Variants in GSE1 observed in about 807,000 individuals in gnomAD.
GSE1 encodes the protein genetic suppressor element 1.
A neutral mutation model predicts 112.6 loss-of-function variants in GSE1; 32 were observed. The observed-to-expected ratio is 0.28, with a 90% CI of 0.21 to 0.38. The LOEUF is 0.38. Among genes scored for constraint, GSE1 ranks in the 10% least tolerant of loss-of-function variants. The probability of loss-of-function intolerance (pLI) is 1.00; values close to 1 mark genes in which losing one functional copy is unlikely to be tolerated. For missense variants in GSE1, 2,348 were observed against 1,699.2 expected, an observed-to-expected ratio of 1.38 and a Z score of -6.71; for synonymous variants, 1,115 against 735.6, an observed-to-expected ratio of 1.52 and a Z score of -8.35.
At chr16:85,507,042 C>A (rs2051558542) in intron 2 of GSE1, among the ~76,000 whole-genome samples, 1 of 152,144 alleles carries the variant, frequency 6.6e-6, no homozygotes, top group African/African-American at 2.4e-5. Context: ...CCTGGGGTAA[C>A]CGTGTGGGGT....
chr16:85,242,273 C>T (rs941308435), intron 1 of GSE1, among the ~76,000 whole-genome samples: 1 of 152,186 alleles, frequency 6.6e-6, no homozygotes, highest in African/African-American at 2.4e-5. Context: ...AGCAGCCGCC[C>T]TCCTGCTTCC....
intron 2 of GSE1, among the ~76,000 whole-genome samples, chr16:85,508,038 A>AT (rs896257598): frequency 7.3e-5 from 11 of 151,630 alleles, no homozygotes; most frequent in South Asian, 2.1e-4. Context: ...TCCGTCACTT[A>AT]TTTTTTTGTC....
intron 1 of GSE1, among the ~76,000 whole-genome samples, chr16:85,246,384 C>CACAA: frequency 7.7e-6 from 1 of 129,226 alleles, no homozygotes; most frequent in Non-Finnish European, 1.6e-5. Context: ...GCTGTCTACA[C>CACAA]ACACACCCCA....
At chr16:85,411,693 T>C (rs865998532) in intron 2 of GSE1, among the ~76,000 whole-genome samples, 2 of 58,448 alleles carry the variant, frequency 3.4e-5, no homozygotes, top group African/African-American at 2.3e-4. Flanking sequence ...TAATCCTCAC[T>C]GTTACACTCA....
At chr16:85,638,029 G>A (rs947530487) in intron 2 of GSE1, among the ~76,000 whole-genome samples, 1 of 152,144 alleles carries the variant, frequency 6.6e-6, no homozygotes, top group Non-Finnish European at 1.5e-5. Flanking sequence ...TGCCCCACGC[G>A]GCCCCTCCTC....
At chr16:85,460,820 A>C (rs1028397291) in intron 2 of GSE1, among the ~76,000 whole-genome samples, 2 of 56,710 alleles carry the variant, frequency 3.5e-5, no homozygotes, top group African/African-American at 1.4e-4. Context: ...TGAGGAAGCC[A>C]GGGTGGGGGT....
chr16:85,218,567 C>T (rs569849390), intron 1 of GSE1, among the ~76,000 whole-genome samples: 2 of 152,336 alleles, frequency 1.3e-5, no homozygotes, highest in Admixed American at 1.3e-4. Flanking sequence ...TCAACTCTGC[C>T]ACTTGCTACC....
At chr16:85,497,299 G>A (rs765295241) in intron 2 of GSE1, among the ~76,000 whole-genome samples, 2 of 152,162 alleles carry the variant, frequency 1.3e-5, no homozygotes, top group Non-Finnish European at 2.9e-5. Context: ...TGCCTCCTGC[G>A]TTTTACATTG....
intron 1 of GSE1, among the ~76,000 whole-genome samples, chr16:85,259,141 T>A (rs6564110): frequency 0.28 from 43,039 of 151,974 alleles, 7,226 homozygotes; most frequent in African/African-American, 0.47. Context: ...GGCCACCGCG[T>A]CTGTGGAAGG....
intron 2 of GSE1, among the ~76,000 whole-genome samples, chr16:85,365,691 C>T (rs535138323): frequency 3.9e-5 from 6 of 152,256 alleles, no homozygotes; most frequent in African/African-American, 9.6e-5. Flanking sequence ...TTGTAGAAGG[C>T]GAAGGTTTAT....
intron 2 of GSE1, among the ~76,000 whole-genome samples, chr16:85,647,416 C>A (rs921164853): frequency 9.7e-4 from 147 of 152,234 alleles, no homozygotes; most frequent in African/African-American, 3.3e-3. Flanking sequence ...TGATGTGTAC[C>A]CTTAAAGATG....
At position 85,666,329 on chromosome 16, in the gene GSE1, G is replaced by A; in HGVS notation, c.3112G>A (p.Ala1038Thr). 6.2e-7 allele frequency: 1 copy of A among 1,613,768 alleles called. No individual in the cohort carries two copies. Among genetic ancestry groups the A allele is most frequent in the Non-Finnish European group, 8.5e-7 (1 of 1,180,024 alleles). ...HESVLQSTQK[A>T]LQKHKGSVAV... Reference sequence around the variant, plus strand: ...GTCAGTGCTGCAGTCCACCCAGAAGGCCCTGCAGAAGCATAAAGGTAATGA... The same window carrying A: ...GTCAGTGCTGCAGTCCACCCAGAAGACCCTGCAGAAGCATAAAGGTAATGA... Residue 1038 changes from alanine to threonine, a missense_variant, in exon 13 of 16, where the codon GCC becomes ACC. Physicochemically the swap from Ala to Thr is moderately conservative, Grantham distance 58. Transcript: ENST00000253458.
intron 8 of GSE1, among the ~76,000 whole-genome samples, chr16:85,658,407 AAGG>A (rs1322815083): frequency 6.6e-6 from 1 of 152,154 alleles, no homozygotes; most frequent in Non-Finnish European, 1.5e-5. Context: ...ACTGTCCACA[AAGG>A]AGGGTGGGTA....
intron 1 of GSE1, among the ~76,000 whole-genome samples, chr16:85,617,561 G>A (rs1382533898): frequency 1.2e-4 from 18 of 148,206 alleles, no homozygotes; most frequent in Non-Finnish European, 2.5e-4. Flanking sequence ...GCCAAATCTC[G>A]GAGGGATGCA....
At chr16:85,304,758 G>C (rs1318044440) in intron 1 of GSE1, among the ~76,000 whole-genome samples, 1 of 152,148 alleles carries the variant, frequency 6.6e-6, no homozygotes, top group Non-Finnish European at 1.5e-5. Context: ...GGGCCCTCTC[G>C]ACTTCACTGG....
intron 1 of GSE1, among the ~76,000 whole-genome samples, chr16:85,354,218 A>C (rs899078857): frequency 2.6e-5 from 4 of 152,038 alleles, no homozygotes; most frequent in Non-Finnish European, 4.4e-5. Context: ...TCTGTTCTCT[A>C]CTGAAAAGCT....
In GSE1 at chr16:85,519,652, TTC is replaced by T. The variant is rs1567556096; in HGVS notation, c.2465-114261_2465-114260del. 2.5e-3 allele frequency among the ~76,000 whole-genome samples: 283 copies of T among 115,448 alleles called. 2 individuals carry two copies. The highest frequency in any genetic ancestry group is 7.4e-3 in the African/African-American group (239 of 32,444). The allele number at this position is 115,448 out of a possible 152,430, so 75.7% of individuals were successfully genotyped here. ...ATCACCAGTCTCCATCATCATCACC[TTC>T]ACCACCATCACCACAGTCTCCATCA... is the stretch of plus-strand genomic sequence containing the variant. On this transcript the variant is annotated intron_variant, in intron 2 of 2. Transcript: ENST00000637419.
At chr16:85,337,820 G>T (rs1307721907) in intron 1 of GSE1, among the ~76,000 whole-genome samples, 1 of 152,266 alleles carries the variant, frequency 6.6e-6, no homozygotes, top group African/African-American at 2.4e-5. Flanking sequence ...GTCAGCCTCT[G>T]CAGTTTTCAC....
At chr16:85,562,849 A>G (rs1436343462) in intron 1 of GSE1, among the ~76,000 whole-genome samples, 1 of 152,204 alleles carries the variant, frequency 6.6e-6, no homozygotes, top group Non-Finnish European at 1.5e-5. Context: ...TGTTGACTTC[A>G]AATTCTCTTC....
Sources: allele counts gnomAD v4.1 joint callset (sites outside exome capture counted in the v4.1 genomes callset), GRCh38; gene constraint gnomAD v4.1.1; transcripts MANE v1.5; gene names NCBI Gene and HGNC (gene_info 2026-07-23, HGNC 2026-07-21).